Variants in FMNL2 observed in about 807,000 individuals in gnomAD.
FMNL2 encodes the protein formin-like protein 2.
A neutral mutation model predicts 130.2 loss-of-function variants in FMNL2; 51 were observed. The ratio of observed to expected loss-of-function variants is 0.39; its 90% CI spans 0.31 to 0.49. The LOEUF is 0.49. Ranked by LOEUF, FMNL2 falls within the 20% of genes least tolerant of loss-of-function variation. The pLI is 0.85. For synonymous variants in FMNL2, 465 were observed against 467.1 expected (o/e 1.00, Z 0.06); for missense variants, 977 against 1,316.2 (o/e 0.74, Z 3.99).
chr2:152,408,274 A>C (rs533825957), intron 1 of FMNL2, among the ~76,000 whole-genome samples: 15 of 152,280 alleles, frequency 9.9e-5, no homozygotes, highest in African/African-American at 3.6e-4. Flanking sequence ...AACACAATGA[A>C]TTCTACCTTG....
intron 9 of FMNL2, among the ~76,000 whole-genome samples, chr2:152,607,016 T>TTTG (rs1559003206): frequency 1.4e-5 from 2 of 141,374 alleles, no homozygotes; most frequent in Non-Finnish European, 3.0e-5. Flanking sequence ...GTTTTTTTTT[T>TTTG]TTTTTTTTAC....
intron 1 of FMNL2, among the ~76,000 whole-genome samples, chr2:152,441,825 A>G (rs1688064626): frequency 7.9e-6 from 1 of 126,028 alleles, no homozygotes; most frequent in Non-Finnish European, 1.6e-5. Context: ...ACAGAGCGAC[A>G]CTCCGTCTCA....
At chr2:152,471,953 A>G (rs1689882551) in intron 1 of FMNL2, among the ~76,000 whole-genome samples, 1 of 152,156 alleles carries the variant, frequency 6.6e-6, no homozygotes, top group African/African-American at 2.4e-5. Flanking sequence ...AGTATTTTTT[A>G]AAGCTCCTCA....
intron 1 of FMNL2, among the ~76,000 whole-genome samples, chr2:152,365,182 T>C (rs1683440350): frequency 6.6e-6 from 1 of 152,098 alleles, no homozygotes; most frequent in African/African-American, 2.4e-5. Flanking sequence ...GAGGCAGAGA[T>C]TGACGAGGAA....
intron 9 of FMNL2, among the ~76,000 whole-genome samples, chr2:152,591,471 A>G (rs1193451849): frequency 6.6e-6 from 1 of 152,220 alleles, no homozygotes; most frequent in African/African-American, 2.4e-5. Context: ...TATACTTTTT[A>G]CAGTGACCCC....
chr2:152,596,658 C>T (rs1398723570), intron 9 of FMNL2, among the ~76,000 whole-genome samples: 2 of 152,164 alleles, frequency 1.3e-5, no homozygotes, highest in Non-Finnish European at 2.9e-5. Flanking sequence ...TGGTGGCTCA[C>T]GTTTGTAATC....
At chr2:152,527,669 C>G (rs971050373) in intron 2 of FMNL2, among the ~76,000 whole-genome samples, 2 of 151,984 alleles carry the variant, frequency 1.3e-5, no homozygotes. Context: ...ACTACGAACT[C>G]ATGAATTTTC....
intron 1 of FMNL2, among the ~76,000 whole-genome samples, chr2:152,475,785 C>T (rs1690117632): frequency 6.6e-6 from 1 of 152,094 alleles, no homozygotes; most frequent in African/African-American, 2.4e-5. Context: ...AGGCATGAGC[C>T]ACCGCGCCTG....
At chr2:152,624,422 T>A (rs921558086) in intron 15 of FMNL2, among the ~76,000 whole-genome samples, 5 of 151,974 alleles carry the variant, frequency 3.3e-5, no homozygotes, top group African/African-American at 1.2e-4. Flanking sequence ...CCTCCCAAAG[T>A]GCTAGGACTT....
intron 1 of FMNL2, among the ~76,000 whole-genome samples, chr2:152,511,311 G>A (rs1042830284): frequency 7.2e-5 from 11 of 152,174 alleles, no homozygotes; most frequent in Admixed American, 1.3e-4. Flanking sequence ...TCTTCCCATC[G>A]CAAGGTTCTT....
intron 1 of FMNL2, among the ~76,000 whole-genome samples, chr2:152,434,804 C>T (rs752859086): frequency 6.6e-6 from 1 of 152,058 alleles, no homozygotes; most frequent in Non-Finnish European, 1.5e-5. Context: ...GCTACTTATT[C>T]AGAGTTCCAG....
chr2:152,428,832 A>C (rs941876046), intron 1 of FMNL2, among the ~76,000 whole-genome samples: 1 of 152,268 alleles, frequency 6.6e-6, no homozygotes, highest in Non-Finnish European at 1.5e-5. Context: ...TCTAGTTATA[A>C]TATGTCATAT....
intron 1 of FMNL2, among the ~76,000 whole-genome samples, chr2:152,479,124 G>A (rs1415741298): frequency 6.6e-6 from 1 of 151,568 alleles, no homozygotes; most frequent in East Asian, 1.9e-4. Context: ...TTTTGTTGTT[G>A]TTGGTTTGTT....
intron 9 of FMNL2, among the ~76,000 whole-genome samples, chr2:152,581,404 C>G (rs1383581039): frequency 2.6e-5 from 4 of 152,152 alleles, no homozygotes; most frequent in African/African-American, 9.7e-5. Context: ...TTTATGAACT[C>G]TTTCATCACA....
intron 1 of FMNL2, among the ~76,000 whole-genome samples, chr2:152,378,767 G>A (rs1388961776): frequency 6.6e-6 from 1 of 152,062 alleles, no homozygotes; most frequent in Non-Finnish European, 1.5e-5. Flanking sequence ...AGTGTGAAAT[G>A]CTGTGTAGAC....
intron 1 of FMNL2, among the ~76,000 whole-genome samples, chr2:152,452,824 T>C (rs1688720783): frequency 7.1e-6 from 1 of 140,630 alleles, no homozygotes; most frequent in African/African-American, 2.5e-5. Flanking sequence ...CAATTAGCCA[T>C]GGAAGCAGCA....
rs191683202 is a variant in FMNL2, at chr2:152,429,998, C to A, written c.118-91945C>A. Among the ~76,000 whole-genome samples the A allele has an allele frequency of 2.1e-3, 317 of 152,186 alleles. 2 individuals are homozygous for A. Among genetic ancestry groups the A allele is most frequent in the African/African-American group, 7.4e-3 (309 of 41,536 alleles). ...TGCAGCAAACCACCATGGCATACGT[C>A]GTTTACTTACGTAACAAACCTGCAC... is the stretch of plus-strand genomic sequence containing the variant. On this transcript the variant is annotated intron_variant, in intron 1 of 25. Coordinates refer to ENST00000288670, the MANE Select transcript of FMNL2 (RefSeq NM_052905.4).
At chr2:152,609,925 T>C (rs2105859368) in intron 10 of FMNL2, among the ~76,000 whole-genome samples, 1 of 152,326 alleles carries the variant, frequency 6.6e-6, no homozygotes, top group South Asian at 2.1e-4. Flanking sequence ...GTTTCCACCA[T>C]AAATAGACTG....
At chr2:152,587,125 T>C (rs1697127977) in intron 9 of FMNL2, among the ~76,000 whole-genome samples, 1 of 152,204 alleles carries the variant, frequency 6.6e-6, no homozygotes, top group African/African-American at 2.4e-5. Context: ...GCATCTGGCT[T>C]CTGAGGGAGA....
Sources: gnomAD v4.1 joint callset for allele counts (sites outside exome capture counted in the v4.1 genomes callset) on GRCh38, gnomAD v4.1.1 for gene constraint, MANE v1.5 for transcripts, NCBI Gene and HGNC (gene_info 2026-07-23, HGNC 2026-07-21) for gene names.